The following INPP4B variants were observed in gnomAD, a reference collection of about 807,000 sequenced individuals.
INPP4B encodes the protein inositol polyphosphate-4-phosphatase type II B.
In INPP4B, 55 loss-of-function variants were observed where a neutral mutation model predicts 122.5. The observed-to-expected ratio is 0.45, with a 90% CI of 0.36 to 0.56. The LOEUF (loss-of-function observed/expected upper bound fraction) is 0.56, where lower values mean the gene tolerates loss of function less well. Among genes scored for constraint, INPP4B ranks in the 20% least tolerant of loss-of-function variants. INPP4B has a pLI of 0.00. For synonymous variants in INPP4B, 403 were observed against 388.7 expected, an observed-to-expected ratio of 1.04 and a Z score of -0.43; for missense variants, 1,000 against 1,097.7, an observed-to-expected ratio of 0.91 and a Z score of 1.26.
intron 18 of INPP4B, among the ~76,000 whole-genome samples, chr4:142,136,866 C>T (rs1029755065): frequency 3.9e-5 from 6 of 152,040 alleles, no homozygotes; most frequent in African/African-American, 1.4e-4. Context: ...TACAAAACCG[C>T]TGTTAAAATT....
chr4:142,513,290 G>A (rs1354947077), intron 2 of INPP4B, among the ~76,000 whole-genome samples: 1 of 152,160 alleles, frequency 6.6e-6, no homozygotes, highest in African/African-American at 2.4e-5. Flanking sequence ...TCACAGTTCT[G>A]GGGTGTGTTA....
At chr4:142,355,862 CTT>C (rs34285421) in intron 7 of INPP4B, among the ~76,000 whole-genome samples, 68 of 146,632 alleles carry the variant, frequency 4.6e-4, no homozygotes, top group Non-Finnish European at 6.6e-4. Flanking sequence ...GGAGAGAAGC[CTT>C]TTTTTTTTTT....
chr4:142,566,371 T>C (rs766445369), intron 2 of INPP4B, among the ~76,000 whole-genome samples: 14 of 152,146 alleles, frequency 9.2e-5, no homozygotes, highest in Non-Finnish European at 1.6e-4. Context: ...CAATGATTTT[T>C]GCATTGAATG....
At chr4:142,470,537 C>T (rs572716931) in intron 2 of INPP4B, among the ~76,000 whole-genome samples, 79 of 152,258 alleles carry the variant, frequency 5.2e-4, no homozygotes, top group South Asian at 3.5e-3. Flanking sequence ...GGCATTCTCA[C>T]CATATGTGGT....
At chr4:142,212,049 A>G (rs1845127560) in intron 12 of INPP4B, among the ~76,000 whole-genome samples, 1 of 152,174 alleles carries the variant, frequency 6.6e-6, no homozygotes, top group South Asian at 2.1e-4. Context: ...TAAGGATTTA[A>G]TCCTTAGGAT....
At chr4:142,689,451 T>G (rs1759840934) in intron 2 of INPP4B, among the ~76,000 whole-genome samples, 1 of 152,202 alleles carries the variant, frequency 6.6e-6, no homozygotes, top group South Asian at 2.1e-4. Context: ...TTTTTTGAAA[T>G]TGCAATCTGT....
In INPP4B at chr4:142,796,786, C is replaced by T. The variant is rs533120060; in HGVS notation, c.-254+49423G>A. Among the ~76,000 whole-genome samples the T allele has an allele frequency of 6.6e-5, 10 of 151,586 alleles. No individual in the cohort carries two copies. The South Asian group carries it at 1.9e-3, about 28-fold the overall frequency. Reference sequence around the variant, plus strand: ...TTTCTGTTCATTCACCCTAGAACATCGGTTGACATTTACAAGACCTATCCA... The same window carrying T: ...TTTCTGTTCATTCACCCTAGAACATTGGTTGACATTTACAAGACCTATCCA... On this transcript the variant is annotated intron_variant, in intron 1 of 25. Transcript: ENST00000262992.
chr4:142,405,114 G>GGGTT (rs1270858913), intron 6 of INPP4B, 92 bp downstream of exon 6: 1 of 686,792 alleles, frequency 1.5e-6, no homozygotes, highest in Non-Finnish European at 2.6e-6. Flanking sequence ...AGATGGGGCG[G>GGGTT]GGGTGGGGGG....
At chr4:142,254,263 G>A (rs1734330705) in intron 11 of INPP4B, among the ~76,000 whole-genome samples, 1 of 151,466 alleles carries the variant, frequency 6.6e-6, no homozygotes, top group Admixed American at 6.6e-5. Flanking sequence ...AAAAAGCAGA[G>A]CAGAAAAACT....
intron 2 of INPP4B, among the ~76,000 whole-genome samples, chr4:142,588,925 T>C (rs1006221501): frequency 2.6e-5 from 4 of 152,072 alleles, no homozygotes; most frequent in African/African-American, 9.6e-5. Flanking sequence ...ATAGGACTCA[T>C]ACTATCTGAT....
At chr4:142,090,706 C>CT (rs35383661) in intron 23 of INPP4B, among the ~76,000 whole-genome samples, 78,024 of 149,422 alleles carry the variant, frequency 0.52, 24,139 homozygotes, top group Non-Finnish European at 0.67. Flanking sequence ...TAATAGTATT[C>CT]TTTTTTTTTT....
At chr4:142,804,963 G>C (rs1778498170) in intron 1 of INPP4B, among the ~76,000 whole-genome samples, 1 of 152,048 alleles carries the variant, frequency 6.6e-6, no homozygotes, top group Non-Finnish European at 1.5e-5. Flanking sequence ...CACCATGCTC[G>C]CCTAAATTCG....
chr4:142,102,613 G>A (rs1284596095), intron 23 of INPP4B, among the ~76,000 whole-genome samples: 2 of 151,976 alleles, frequency 1.3e-5, no homozygotes, highest in Non-Finnish European at 2.9e-5. Context: ...GTCTTCAAGA[G>A]TTTTCTGTGA....
intron 25 of INPP4B, among the ~76,000 whole-genome samples, chr4:142,031,124 A>G (rs1341265372): frequency 2.0e-5 from 3 of 152,246 alleles, no homozygotes; most frequent in African/African-American, 7.2e-5. Context: ...AATTATGGCC[A>G]GTCTGAAATA....
At chr4:142,825,497 T>C (rs879381380) in intron 1 of INPP4B, among the ~76,000 whole-genome samples, 1 of 152,084 alleles carries the variant, frequency 6.6e-6, no homozygotes, top group Non-Finnish European at 1.5e-5. Flanking sequence ...TATCATATCA[T>C]ATATCATTGA....
chr4:142,697,138 T>A (rs1761143270), intron 2 of INPP4B, among the ~76,000 whole-genome samples: 2 of 152,242 alleles, frequency 1.3e-5, no homozygotes, highest in South Asian at 4.1e-4. Flanking sequence ...TACATTGTTA[T>A]TAAAATTACC....
At chr4:142,773,846 C>G (rs1156568561) in intron 1 of INPP4B, among the ~76,000 whole-genome samples, 1 of 151,152 alleles carries the variant, frequency 6.6e-6, no homozygotes, top group Non-Finnish European at 1.5e-5. Flanking sequence ...TGAAATTGAT[C>G]TAGATTTTTG....
intron 2 of INPP4B, among the ~76,000 whole-genome samples, chr4:142,503,830 A>G (rs1056115705): frequency 6.6e-6 from 1 of 152,146 alleles, no homozygotes; most frequent in Non-Finnish European, 1.5e-5. Context: ...CTAGAAATAG[A>G]TCTTGCTATA....
chr4:142,569,220 T>A (rs1337564082), intron 2 of INPP4B, among the ~76,000 whole-genome samples: 1 of 151,484 alleles, frequency 6.6e-6, no homozygotes, highest in East Asian at 1.9e-4. Context: ...AAATATCACA[T>A]TATTGGAAAC....
Sources: gnomAD v4.1 joint callset for allele counts (sites outside exome capture counted in the v4.1 genomes callset) on GRCh38, gnomAD v4.1.1 for gene constraint, MANE v1.5 for transcripts, NCBI Gene and HGNC (gene_info 2026-07-23, HGNC 2026-07-21) for gene names.